CSMD1: variants seen among roughly 807,000 people sequenced by gnomAD.
CSMD1 encodes CUB and sushi domain-containing protein 1.
A neutral mutation model predicts 417.5 loss-of-function variants in CSMD1; 213 were observed. That is an observed-to-expected ratio of 0.51 (90% CI 0.46 to 0.57). The LOEUF is 0.57. Ranked by LOEUF, CSMD1 falls within the 20% of genes least tolerant of loss-of-function variation. The pLI, the probability that CSMD1 is intolerant of heterozygous loss-of-function variation, is 0.00. For missense variants in CSMD1, 6,923 were observed against 4,529.7 expected (o/e 1.53, Z -15.17); for synonymous variants, 2,862 against 1,736.8 (o/e 1.65, Z -16.11).
chr8:3,308,222 C>T (rs1805039400), intron 24 of CSMD1, 90 bp downstream of exon 24: 1 of 1,005,280 alleles, frequency 9.9e-7, no homozygotes, highest in East Asian at 2.5e-5. Flanking sequence ...AAAATTCCTC[C>T]TCTTTTCCAA....
intron 2 of CSMD1, among the ~76,000 whole-genome samples, chr8:4,480,374 C>G (rs552330000): frequency 2.7e-4 from 41 of 152,232 alleles, no homozygotes; most frequent in African/African-American, 9.9e-4. Flanking sequence ...ACATTTCTCA[C>G]TAGAATATTT....
chr8:4,152,243 C>G (rs1796605778), intron 3 of CSMD1, among the ~76,000 whole-genome samples: 1 of 152,134 alleles, frequency 6.6e-6, no homozygotes. Context: ...CCCACTTTCT[C>G]AAGAGAATGC....
At chr8:4,714,763 G>A (rs897999801) in intron 1 of CSMD1, among the ~76,000 whole-genome samples, 1 of 152,034 alleles carries the variant, frequency 6.6e-6, no homozygotes, top group Non-Finnish European at 1.5e-5. Flanking sequence ...TGAAATAATA[G>A]AGGAAAAATA....
At chr8:4,532,262 G>C (rs1394775769) in intron 2 of CSMD1, among the ~76,000 whole-genome samples, 12 of 131,152 alleles carry the variant, frequency 9.1e-5, no homozygotes, top group African/African-American at 3.2e-4. Context: ...CCCATTCACA[G>C]TCACTCCAGA....
At chr8:3,040,672 G>A (rs191779451) in intron 50 of CSMD1, among the ~76,000 whole-genome samples, 8 of 151,882 alleles carry the variant, frequency 5.3e-5, no homozygotes, top group South Asian at 2.1e-4. Context: ...GCATGGCGGC[G>A]TGTGCCTGTA....
At chr8:4,486,138 CATACATATATATATATAT>C (rs1563223557) in intron 2 of CSMD1, among the ~76,000 whole-genome samples, 315 of 30,244 alleles carry the variant, frequency 0.01, 9 homozygotes, top group African/African-American at 0.039. Flanking sequence ...TATATATATA[CATACATATATATATATAT>C]ACATACATAT....
chr8:3,344,852 A>T (rs973640156), intron 22 of CSMD1, among the ~76,000 whole-genome samples: 5 of 152,230 alleles, frequency 3.3e-5, no homozygotes, highest in African/African-American at 4.8e-5. Flanking sequence ...ACAATTAAAT[A>T]TGCACATGCT....
In CSMD1 at chr8:3,268,491, G is replaced by A. The variant is rs183844406; in HGVS notation, c.4153+15653C>T. The stretch of plus-strand genomic sequence containing the variant: ...TTTTTAGTAGAGACAGGGTTTCACC[G>A]TGTTAGCCAGGATGGTCTCAATTTC... On this transcript the variant is annotated intron_variant, in intron 26 of 69. Transcript: ENST00000635120. Among the ~76,000 whole-genome samples the A allele has an allele frequency of 7.8e-3, 1,178 of 151,672 alleles. 9 individuals are homozygous for A. Among genetic ancestry groups the A allele is most frequent in the Middle Eastern group, 0.02 (6 of 294 alleles).
At chr8:4,791,452 G>C (rs926672029) in intron 1 of CSMD1, among the ~76,000 whole-genome samples, 2 of 152,180 alleles carry the variant, frequency 1.3e-5, no homozygotes, top group African/African-American at 4.8e-5. Flanking sequence ...TAAGGTTTGT[G>C]ATCTTGAAAA....
intron 5 of CSMD1, among the ~76,000 whole-genome samples, chr8:3,992,717 G>A (rs573319339): frequency 3.9e-4 from 59 of 152,294 alleles, no homozygotes; most frequent in Non-Finnish European, 6.6e-4. Flanking sequence ...GGAGTTTGAG[G>A]CTACAGTGAG....
intron 3 of CSMD1, among the ~76,000 whole-genome samples, chr8:4,109,695 A>G (rs753677483): frequency 1.3e-5 from 2 of 152,196 alleles, no homozygotes; most frequent in East Asian, 3.8e-4. Flanking sequence ...AGATACTCCG[A>G]GGCATATGAT....
intron 5 of CSMD1, among the ~76,000 whole-genome samples, chr8:3,885,555 C>G (rs547165993): frequency 6.6e-6 from 1 of 152,156 alleles, no homozygotes; most frequent in South Asian, 2.1e-4. Context: ...AACTGTTGCT[C>G]CACCTAGTAA....
chr8:3,634,581 C>T (rs1796940492), intron 7 of CSMD1, among the ~76,000 whole-genome samples: 4 of 152,120 alleles, frequency 2.6e-5, no homozygotes, highest in Admixed American at 2.0e-4. Context: ...CAAGCCATAG[C>T]CATGCACATA....
In CSMD1 at chr8:4,990,489, G is replaced by T. The variant is rs946821975; in HGVS notation, c.85+3843C>A. On this transcript the variant is annotated intron_variant, in intron 1 of 69. Coordinates refer to ENST00000635120, the MANE Select transcript of CSMD1 (RefSeq NM_033225.6). ...AGAGATTCTCCTGCCTCAGCCTCCT[G>T]AATAGCTGGGATTACAGGCATGCGC... Among the ~76,000 whole-genome samples, 10 of 152,120 alleles carry T rather than the reference G, an allele frequency of 6.6e-5. No homozygotes were observed. In the South Asian group the frequency reaches 1.7e-3, roughly 25 times the overall value.
At chr8:3,544,041 A>C (rs1318016971) in intron 10 of CSMD1, among the ~76,000 whole-genome samples, 1 of 152,114 alleles carries the variant, frequency 6.6e-6, no homozygotes, top group African/African-American at 2.4e-5. Flanking sequence ...TCCACAGGTG[A>C]AGTGTCCAGT....
chr8:4,369,699 T>G lies in CSMD1; in HGVS notation c.415+50254A>C, dbSNP rs372890395. Reference sequence around the variant, plus strand: ...GCCCTTTATCATTACGTAATGCCCTTGTCTTTTTTTATTGTTGTTGGTTTA... The same window carrying G: ...GCCCTTTATCATTACGTAATGCCCTGGTCTTTTTTTATTGTTGTTGGTTTA... On this transcript the variant is annotated intron_variant, in intron 3 of 69. Transcript: ENST00000635120. Among the ~76,000 whole-genome samples, 6 of 152,182 alleles carry G rather than the reference T, an allele frequency of 3.9e-5. No homozygotes were observed. In the East Asian group the frequency reaches 9.6e-4, roughly 24 times the overall value.
intron 10 of CSMD1, among the ~76,000 whole-genome samples, chr8:3,522,868 A>G (rs1008154951): frequency 3.6e-4 from 54 of 149,840 alleles, no homozygotes; most frequent in African/African-American, 1.3e-3. Context: ...ATTTAATGTA[A>G]ATTATATTAA....
chr8:4,738,915 G>GTGTGTGTGTGTGTGTGTGTGTGTA (rs1373054433), intron 1 of CSMD1, among the ~76,000 whole-genome samples: 166 of 152,128 alleles, frequency 1.1e-3, no homozygotes, highest in Admixed American at 1.7e-3. Flanking sequence ...GTGTGTGTGT[G>GTGTGTGTGTGTGTGTGTGTGTGTA]TGTGTGTATG....
At chr8:3,594,614 A>G (rs887493013) in intron 8 of CSMD1, among the ~76,000 whole-genome samples, 3 of 152,152 alleles carry the variant, frequency 2.0e-5, no homozygotes, top group African/African-American at 7.2e-5. Flanking sequence ...CTTCCCCAGT[A>G]GATACAATGA....
Sources: allele counts gnomAD v4.1 joint callset (sites outside exome capture counted in the v4.1 genomes callset), GRCh38; gene constraint gnomAD v4.1.1; transcripts MANE v1.5; gene names NCBI Gene and HGNC (gene_info 2026-07-23, HGNC 2026-07-21).